The following CALN1 variants were observed in gnomAD, a reference collection of about 807,000 sequenced individuals.
CALN1 encodes calneuron 1, also known as calcium-binding protein 8.
In CALN1, 17 loss-of-function variants were observed where a neutral mutation model predicts 30.6. The ratio of observed to expected loss-of-function variants is 0.56; its 90% confidence interval spans 0.38 to 0.83. The LOEUF is 0.83. Ranked by LOEUF, CALN1 falls within the 40% of genes least tolerant of loss-of-function variation. The pLI is 0.00. For missense variants in CALN1, 291 were observed against 354.9 expected (o/e 0.82, Z 1.45); for synonymous variants, 156 against 131.4 (o/e 1.19, Z -1.28).
intron 3 of CALN1, among the ~76,000 whole-genome samples, chr7:72,111,171 C>G (rs1220214681): frequency 3.3e-5 from 5 of 152,212 alleles, no homozygotes; most frequent in Non-Finnish European, 7.3e-5. Context: ...CAATTTTAAC[C>G]ACCTCCAAGA....
chr7:72,387,494 C>G (rs1490742183), intron 2 of CALN1, among the ~76,000 whole-genome samples: 2 of 152,078 alleles, frequency 1.3e-5, no homozygotes, highest in Non-Finnish European at 2.9e-5. Flanking sequence ...ACTCCCTCCG[C>G]CCCGGGTGAT....
chr7:71,807,580 G>A (rs1255460297), intron 6 of CALN1, among the ~76,000 whole-genome samples: 1 of 152,178 alleles, frequency 6.6e-6, no homozygotes, highest in Non-Finnish European at 1.5e-5. Context: ...GGTCATACAA[G>A]AATGCAACGT....
intron 1 of CALN1, among the ~76,000 whole-genome samples, chr7:72,407,979 A>C (rs1806819723): frequency 6.6e-6 from 1 of 152,076 alleles, no homozygotes; most frequent in Non-Finnish European, 1.5e-5. Context: ...AAGAAGGGAG[A>C]CTTTGATTCT....
chr7:71,986,472 G>A (rs73187047), intron 5 of CALN1, among the ~76,000 whole-genome samples: 6,686 of 152,312 alleles, frequency 0.044, 220 homozygotes, highest in Non-Finnish European at 0.066. Flanking sequence ...CACGCACAGT[G>A]TGGGTGAACA....
At chr7:72,289,983 T>C (rs1010473357) in intron 2 of CALN1, among the ~76,000 whole-genome samples, 1 of 149,024 alleles carries the variant, frequency 6.7e-6, no homozygotes, top group Non-Finnish European at 1.5e-5. Flanking sequence ...GAGGCTGAGG[T>C]TGGAGAATCG....
chr7:71,840,010 G>A (rs529518983), intron 5 of CALN1, among the ~76,000 whole-genome samples: 2 of 152,198 alleles, frequency 1.3e-5, no homozygotes, highest in South Asian at 4.2e-4. Flanking sequence ...AGGGAGAGGG[G>A]GCTCAAAGAA....
At chr7:72,390,985 G>A (rs1291377306) in intron 2 of CALN1, among the ~76,000 whole-genome samples, 2 of 152,044 alleles carry the variant, frequency 1.3e-5, no homozygotes, top group African/African-American at 4.8e-5. Flanking sequence ...ATTTTTTTCT[G>A]ACTCTAAGAA....
chr7:72,325,216 T>C (rs934784864), intron 2 of CALN1, among the ~76,000 whole-genome samples: 12 of 152,110 alleles, frequency 7.9e-5, no homozygotes, highest in African/African-American at 2.9e-4. Flanking sequence ...GAAAATCATT[T>C]GAGCCCAGGA....
At chr7:72,136,678 A>T (rs1041545080) in intron 3 of CALN1, among the ~76,000 whole-genome samples, 13 of 152,126 alleles carry the variant, frequency 8.5e-5, no homozygotes, top group African/African-American at 3.1e-4. Context: ...ATGCTTAATC[A>T]TTTCCAGTTT....
chr7:72,303,909 TATC>T (rs369780642), intron 2 of CALN1, among the ~76,000 whole-genome samples: 165 of 152,344 alleles, frequency 1.1e-3, no homozygotes, highest in African/African-American at 3.8e-3. Flanking sequence ...GGATTGCTTG[TATC>T]ATATTTGTTT....
intron 5 of CALN1, among the ~76,000 whole-genome samples, chr7:71,997,243 A>C (rs77973049): frequency 0.014 from 2,104 of 146,504 alleles, 42 homozygotes; most frequent in African/African-American, 0.052. Flanking sequence ...TAAAAAAAAA[A>C]AGAAAGAAAG....
intron 2 of CALN1, among the ~76,000 whole-genome samples, chr7:72,400,002 G>A (rs75364308): frequency 0.017 from 2,526 of 152,226 alleles, 36 homozygotes; most frequent in Non-Finnish European, 0.022. Context: ...ACTATGATTA[G>A]AACCTTCCTG....
At chr7:72,141,119 T>C (rs529846134) in intron 3 of CALN1, among the ~76,000 whole-genome samples, 19 of 152,210 alleles carry the variant, frequency 1.2e-4, no homozygotes, top group Admixed American at 3.3e-4. Context: ...CTGAGAAAAG[T>C]AGCAACAATT....
chr7:71,793,904 C>A (rs1238458599), intron 6 of CALN1, among the ~76,000 whole-genome samples: 1 of 152,110 alleles, frequency 6.6e-6, no homozygotes, highest in Non-Finnish European at 1.5e-5. Flanking sequence ...CAAAAAAGAT[C>A]TATCTTCTTG....
At chr7:72,404,909 G>A (rs1806598440) in intron 1 of CALN1, among the ~76,000 whole-genome samples, 1 of 152,202 alleles carries the variant, frequency 6.6e-6, no homozygotes, top group Non-Finnish European at 1.5e-5. Flanking sequence ...AAAGCCCTGT[G>A]AGTAACTCAT....
At chr7:72,286,862 A>G (rs1392201213) in intron 2 of CALN1, among the ~76,000 whole-genome samples, 1 of 152,218 alleles carries the variant, frequency 6.6e-6, no homozygotes, top group Non-Finnish European at 1.5e-5. Context: ...AAGAAAGGAC[A>G]ATTTTACAAA....
chr7:72,455,126 C>T, the CALN1 span, among the ~76,000 whole-genome samples: 9 of 151,992 alleles, frequency 5.9e-5, no homozygotes, highest in African/African-American at 1.9e-4. Flanking sequence ...CCACCGCGCC[C>T]GGCCTCTGCT....
the CALN1 span, among the ~76,000 whole-genome samples, chr7:72,490,115 T>C: frequency 6.6e-6 from 1 of 152,208 alleles, no homozygotes; most frequent in Non-Finnish European, 1.5e-5. Flanking sequence ...TGGCTTCTCC[T>C]TGGCAAATAG....
At chr7:71,860,101 C>T (rs939140299) in intron 5 of CALN1, among the ~76,000 whole-genome samples, 2 of 152,168 alleles carry the variant, frequency 1.3e-5, no homozygotes, top group African/African-American at 2.4e-5. Context: ...GATATTTTTG[C>T]TACCCTGTAT....
Sources: gnomAD v4.1 joint callset for allele counts (sites outside exome capture counted in the v4.1 genomes callset) on GRCh38, gnomAD v4.1.1 for gene constraint, MANE v1.5 for transcripts, NCBI Gene and HGNC (gene_info 2026-07-23, HGNC 2026-07-21) for gene names.